UNC79: variants seen among roughly 807,000 people sequenced by gnomAD.
The protein encoded by UNC79 is protein unc-79 homolog.
In UNC79, 37 loss-of-function variants were observed where a neutral mutation model predicts 283.1. The observed-to-expected ratio is 0.13, with a 90% CI of 0.10 to 0.17. The LOEUF is 0.17. Among genes scored for constraint, UNC79 ranks in the 10% least tolerant of loss-of-function variants. The pLI, the probability that UNC79 is intolerant of heterozygous loss-of-function variation, is 1.00. For synonymous variants in UNC79, 1,107 were observed against 1,200.2 expected (o/e 0.92, Z 1.61); for missense variants, 2,272 against 3,211.1 (o/e 0.71, Z 7.07).
At chr14:93,456,912 CT>C (rs1265494437) in intron 1 of UNC79, among the ~76,000 whole-genome samples, 2 of 152,198 alleles carry the variant, frequency 1.3e-5, no homozygotes, top group Admixed American at 6.5e-5. Flanking sequence ...TGATCCCATC[CT>C]TATTCCATTC....
intron 1 of UNC79, among the ~76,000 whole-genome samples, chr14:93,360,568 T>G (rs1483111891): frequency 6.6e-6 from 1 of 152,242 alleles, no homozygotes; most frequent in Non-Finnish European, 1.5e-5. Flanking sequence ...TCCATTCCTG[T>G]CCATGAGGCC....
intron 11 of UNC79, among the ~76,000 whole-genome samples, chr14:93,537,021 G>C (rs897361608): frequency 6.6e-6 from 1 of 152,026 alleles, no homozygotes; most frequent in South Asian, 2.1e-4. Context: ...TTAAATTCTA[G>C]GTGAAGACAG....
chr14:93,438,664 T>C (rs1339172295), intron 1 of UNC79, among the ~76,000 whole-genome samples: 1 of 123,778 alleles, frequency 8.1e-6, no homozygotes, highest in Non-Finnish European at 1.6e-5. Context: ...TTTTACGTTC[T>C]TTTTTTTTTT....
Position 93,485,114 on chromosome 14 carries a change from C to A in UNC79, c.620-2549C>A, listed in dbSNP as rs116545152. Among the ~76,000 whole-genome samples, 652 of 151,458 alleles carry A rather than the reference C, an allele frequency of 4.3e-3. 5 individuals are homozygous for A. The highest frequency in any genetic ancestry group is 0.015 in the African/African-American group (617 of 41,194). On this transcript the variant is annotated intron_variant, in intron 4 of 48. Transcript: ENST00000555664. ...GTTGAGAAATACATATTATTAAATG[C>A]ATATTATTAAAAAGTTTGAGATGAA... is the stretch of plus-strand genomic sequence containing the variant.
Position 93,336,074 on chromosome 14 carries a change from A to AC in UNC79, c.-351+2557dup, listed in dbSNP as rs575145540. Among the ~76,000 whole-genome samples, 489 of 151,468 alleles carry AC rather than the reference A, an allele frequency of 3.2e-3. 2 individuals carry two copies. Among genetic ancestry groups the AC allele is most frequent in the Non-Finnish European group, 5.8e-3 (394 of 67,858 alleles). ...CACTCCAGTCTTTTCCTTCCTTTGT[A>AC]CCCCCCTTTTTTACCACACATAACC... On this transcript the variant is annotated intron_variant, in intron 1 of 49. Coordinates refer to the UNC79 transcript ENST00000256339.
chr14:93,450,273 A>G (rs2056597745), intron 1 of UNC79, among the ~76,000 whole-genome samples: 1 of 152,172 alleles, frequency 6.6e-6, no homozygotes, highest in East Asian at 1.9e-4. Flanking sequence ...GAGTGTCCTT[A>G]GCTGTTTGAG....
At chr14:93,637,633 C>G (rs1287618574) in intron 32 of UNC79, among the ~76,000 whole-genome samples, 3 of 152,042 alleles carry the variant, frequency 2.0e-5, no homozygotes, top group African/African-American at 7.2e-5. Flanking sequence ...AATTTTTGTA[C>G]TTTTAGTAGA....
chr14:93,607,239 G>T (rs1053903056), intron 26 of UNC79, among the ~76,000 whole-genome samples: 1 of 152,152 alleles, frequency 6.6e-6, no homozygotes, highest in Non-Finnish European at 1.5e-5. Flanking sequence ...TGAACTAATG[G>T]TATCAATCCC....
At chr14:93,613,709 C>T (rs997256433) in intron 27 of UNC79, among the ~76,000 whole-genome samples, 2 of 152,114 alleles carry the variant, frequency 1.3e-5, no homozygotes, top group African/African-American at 4.8e-5. Flanking sequence ...CCACTGCGCC[C>T]GGCCAGTATA....
intron 1 of UNC79, among the ~76,000 whole-genome samples, chr14:93,344,296 T>C (rs539356724): frequency 5.9e-5 from 9 of 152,334 alleles, no homozygotes; most frequent in Non-Finnish European, 1.0e-4. Context: ...TTGACTAATA[T>C]CGTCTTTCTT....
chr14:93,462,704 A>G (rs1053879669), intron 1 of UNC79, among the ~76,000 whole-genome samples: 3 of 152,134 alleles, frequency 2.0e-5, no homozygotes, highest in Non-Finnish European at 4.4e-5. Flanking sequence ...TTAGTAATGG[A>G]TTGGATTAGA....
At chr14:93,659,475 C>G (rs2071306627) in intron 39 of UNC79, among the ~76,000 whole-genome samples, 1 of 152,194 alleles carries the variant, frequency 6.6e-6, no homozygotes, top group African/African-American at 2.4e-5. Context: ...CCTGCTAACC[C>G]TGGGCCATGC....
chr14:93,688,608 G>A lies in UNC79; in HGVS notation c.6910-57G>A, dbSNP rs2074436841. The A allele has an allele frequency of 6.4e-7, 1 of 1,557,340 alleles. No homozygotes were observed. Among genetic ancestry groups the A allele is most frequent in the African/African-American group, 1.4e-5 (1 of 73,578 alleles). On this transcript the variant is annotated intron_variant, in intron 43 of 48. Transcript: ENST00000555664. This position sits in a 1 kb window ranked among gnomAD's most constrained non-coding sequence, Gnocchi z 4.0. Reference sequence around the variant, plus strand: ...TGACAACCTCTTCTTTTCAAAGAATGGCCTGGAATGAATCCAGGTGTCTGC... The same window carrying A: ...TGACAACCTCTTCTTTTCAAAGAATAGCCTGGAATGAATCCAGGTGTCTGC...
At chr14:93,532,917 G>A (rs2060897385) in intron 11 of UNC79, among the ~76,000 whole-genome samples, 1 of 152,064 alleles carries the variant, frequency 6.6e-6, no homozygotes, top group South Asian at 2.1e-4. Flanking sequence ...GATATATCTT[G>A]TATGCTAGAA....
intron 7 of UNC79, among the ~76,000 whole-genome samples, chr14:93,503,723 T>C (rs948896682): frequency 2.0e-5 from 3 of 152,054 alleles, no homozygotes; most frequent in African/African-American, 7.2e-5. Context: ...TGGTCAGTTA[T>C]ATATGTTGCA....
At chr14:93,620,161 A>G (rs2067020314) in intron 29 of UNC79, among the ~76,000 whole-genome samples, 7 of 152,226 alleles carry the variant, frequency 4.6e-5, no homozygotes, top group Admixed American at 4.6e-4. Flanking sequence ...TCTTTCTGGG[A>G]TTCATGAGAT....
At chr14:93,662,756 C>A in intron 40 of UNC79, 42 bp downstream of exon 43, 1 of 1,468,390 alleles carries the variant, frequency 6.8e-7, no homozygotes, top group Non-Finnish European at 9.4e-7. Flanking sequence ...AAACTGAAAA[C>A]TGGCAGAAAT....
At chr14:93,670,253 G>A (rs2072696093) in intron 40 of UNC79, among the ~76,000 whole-genome samples, 1 of 152,128 alleles carries the variant, frequency 6.6e-6, no homozygotes, top group African/African-American at 2.4e-5. Flanking sequence ...TTTCTATTCT[G>A]ACACTAATTA....
chr14:93,355,773 GC>G (rs1203870185), intron 1 of UNC79, among the ~76,000 whole-genome samples: 1 of 152,062 alleles, frequency 6.6e-6, no homozygotes, highest in Non-Finnish European at 1.5e-5. Context: ...ATATTTTCAT[GC>G]CCCTATCCTA....
Sources: allele counts gnomAD v4.1 joint callset (sites outside exome capture counted in the v4.1 genomes callset), GRCh38; gene constraint gnomAD v4.1.1; non-coding constraint Gnocchi (gnomAD v3.1); transcripts MANE v1.5; gene names NCBI Gene and HGNC (gene_info 2026-07-23, HGNC 2026-07-21).